TMEM233: variants seen among roughly 807,000 people sequenced by gnomAD.
The protein encoded by TMEM233 is dispanin subfamily B member 2.
A neutral mutation model predicts 11.2 loss-of-function variants in TMEM233; 6 were observed. The ratio of observed to expected loss-of-function variants is 0.54; its 90% CI spans 0.29 to 1.06. The LOEUF (loss-of-function observed/expected upper bound fraction) is 1.06. TMEM233 is among the 50% of genes least tolerant of loss of function. The pLI is 0.08. For synonymous variants in TMEM233, 59 were observed against 55.8 expected (o/e 1.06, Z -0.26); for missense variants, 127 against 144.7 (o/e 0.88, Z 0.63).
intron 2 of TMEM233, among the ~76,000 whole-genome samples, chr12:119,637,592 G>A (rs1190281500): frequency 6.6e-6 from 1 of 152,190 alleles, no homozygotes; most frequent in African/African-American, 2.4e-5. Context: ...TTTTTGGCTG[G>A]GGAAAGGCTT....
chr12:119,634,538 A>T (rs999449279), intron 2 of TMEM233, among the ~76,000 whole-genome samples: 6 of 152,228 alleles, frequency 3.9e-5, no homozygotes, highest in African/African-American at 1.4e-4. Flanking sequence ...TTTTGAGCCC[A>T]GGAGATTGAG....
chr12:119,596,781 C>T (rs1407814553), intron 1 of TMEM233, among the ~76,000 whole-genome samples: 1 of 152,188 alleles, frequency 6.6e-6, no homozygotes, highest in Non-Finnish European at 1.5e-5. Context: ...GGGTGAGCCA[C>T]TGCGCCCGGC....
intron 1 of TMEM233, among the ~76,000 whole-genome samples, chr12:119,613,213 CAAA>C (rs3077328): frequency 3.3e-4 from 40 of 122,292 alleles, no homozygotes; most frequent in Non-Finnish European, 4.8e-4. Context: ...AAGCCTGTTC[CAAA>C]AAAAAAAAAA....
downstream of TMEM233, among the ~76,000 whole-genome samples, chr12:119,646,498 G>A (rs76455845): frequency 0.019 from 2,889 of 152,270 alleles, 71 homozygotes; most frequent in African/African-American, 0.064. Context: ...TCAAGATGGC[G>A]GCAGGGTTGG....
chr12:119,627,040 G>A (rs1208643302), intron 1 of TMEM233, among the ~76,000 whole-genome samples: 2 of 152,234 alleles, frequency 1.3e-5, no homozygotes, highest in Non-Finnish European at 2.9e-5. Flanking sequence ...AGAGGAGCAA[G>A]TGGGATGGCT....
At chr12:119,618,205 G>C (rs1231558617) in intron 1 of TMEM233, among the ~76,000 whole-genome samples, 1 of 152,238 alleles carries the variant, frequency 6.6e-6, no homozygotes, top group Non-Finnish European at 1.5e-5. Context: ...CAATAACTGA[G>C]GTTTGGGAAC....
chr12:119,605,580 C>T (rs942046388), intron 1 of TMEM233, among the ~76,000 whole-genome samples: 2 of 151,930 alleles, frequency 1.3e-5, no homozygotes, highest in Admixed American at 6.6e-5. Flanking sequence ...AGGCACGCAC[C>T]ACCATGCCCA....
chr12:119,632,370 T>G (rs1954901650), intron 2 of TMEM233, among the ~76,000 whole-genome samples: 1 of 152,220 alleles, frequency 6.6e-6, no homozygotes, highest in African/African-American at 2.4e-5. Context: ...GGCTGTGTTC[T>G]TAGCCAAACT....
rs1407939225 is a variant in TMEM233, at chr12:119,595,611, T to C, written c.186+1577T>C. Among the ~76,000 whole-genome samples the C allele has an allele frequency of 6.6e-6, 1 of 152,218 alleles. No individual in the cohort carries two copies. Among genetic ancestry groups the C allele is most frequent in the African/African-American group, 2.4e-5 (1 of 41,464 alleles). ...CCTCAGTCTCTTTGTAAAACCAGAA[T>C]AATCATAGCCATGTTTCTTGGGGTT... On this transcript the variant is annotated intron_variant, in intron 1 of 2. Transcript: ENST00000426426. The surrounding 1 kb of genome is among the most constrained non-coding windows in gnomAD (Gnocchi z 4.3).
At chr12:119,653,209 G>A in the TMEM233 span, among the ~76,000 whole-genome samples, 3 of 151,786 alleles carry the variant, frequency 2.0e-5, no homozygotes, top group South Asian at 2.1e-4. Context: ...TGGCTAACAC[G>A]GAGAAACCCC....
Position 119,595,090 on chromosome 12 carries a change from G to T in TMEM233, c.186+1056G>T, listed in dbSNP as rs2711748. ...CGCCCTTCCGGAGCTCAGCTCCCTA[G>T]CCCTCTTCAACCCTGGTAGGAACAC... On this transcript the variant is annotated intron_variant, in intron 1 of 2. Coordinates refer to ENST00000426426, the MANE Select transcript of TMEM233 (RefSeq NM_001136534.3). The surrounding 1 kb of genome is among the most constrained non-coding windows in gnomAD (Gnocchi z 4.3). 0.4 allele frequency among the ~76,000 whole-genome samples: 60,619 copies of T among 152,044 alleles called. 12,623 individuals are homozygous for T. The highest frequency in any genetic ancestry group is 0.45 in the African/African-American group (18,517 of 41,474).
rs1203470970 is a variant in TMEM233, at chr12:119,593,814, G to A, written c.-35G>A. Reference sequence around the variant, plus strand: ...GAGCCCCAGACCACACAGACCGTGCGCTCCTCCGCCCTCCCGGCGCCGCCG... The same window carrying A: ...GAGCCCCAGACCACACAGACCGTGCACTCCTCCGCCCTCCCGGCGCCGCCG... On this transcript the variant is annotated 5_prime_UTR_variant, in exon 1 of 3. Coordinates refer to ENST00000426426, the MANE Select transcript of TMEM233 (RefSeq NM_001136534.3). This position sits in a 1 kb window ranked among gnomAD's most constrained non-coding sequence, Gnocchi z 4.1. The A allele has an allele frequency of 1.9e-6, 3 of 1,545,012 alleles. No homozygotes were observed. Among genetic ancestry groups the A allele is most frequent in the African/African-American group, 1.4e-5 (1 of 72,920 alleles).
chr12:119,631,846 T>C (rs1954893858), intron 2 of TMEM233, among the ~76,000 whole-genome samples: 1 of 152,362 alleles, frequency 6.6e-6, no homozygotes, highest in South Asian at 2.1e-4. Flanking sequence ...AAAGGTTAAC[T>C]GGATGACCCA....
downstream of TMEM233, among the ~76,000 whole-genome samples, chr12:119,645,320 C>CAAAAAAAAAAAAAAAA (rs3078450): frequency 8.0e-5 from 6 of 74,778 alleles, 1 homozygote; most frequent in Non-Finnish European, 1.3e-4. Flanking sequence ...CACCAATTAC[C>CAAAAAAAAAAAAAAAA]AAAAAAAAAA....
chr12:119,628,539 G>A (rs1272317382), intron 1 of TMEM233, among the ~76,000 whole-genome samples: 5 of 112,536 alleles, frequency 4.4e-5, no homozygotes, highest in Admixed American at 1.3e-4. Context: ...TTGCTCAGTC[G>A]CCCAGGCTGG....
chr12:119,612,988 T>C (rs1954436471), intron 1 of TMEM233, among the ~76,000 whole-genome samples: 1 of 152,124 alleles, frequency 6.6e-6, no homozygotes, highest in Non-Finnish European at 1.5e-5. Context: ...TACTTTAAGT[T>C]CTAGGGTACA....
At chr12:119,649,854 T>TAAAAA in the TMEM233 span, among the ~76,000 whole-genome samples, 3,301 of 91,124 alleles carry the variant, frequency 0.036, 122 homozygotes, top group Non-Finnish European at 0.043. Flanking sequence ...GTTTAACTAT[T>TAAAAA]AAAAAAAAAA....
At chr12:119,603,036 C>T (rs949903033) in intron 1 of TMEM233, among the ~76,000 whole-genome samples, 16 of 152,070 alleles carry the variant, frequency 1.1e-4, no homozygotes, top group African/African-American at 3.6e-4. Flanking sequence ...GGGTGGACCA[C>T]CTGAGTGCAG....
At chr12:119,628,302 G>A (rs1289886298) in intron 1 of TMEM233, among the ~76,000 whole-genome samples, 1 of 151,888 alleles carries the variant, frequency 6.6e-6, no homozygotes, top group Non-Finnish European at 1.5e-5. Context: ...TGGGATTACA[G>A]GTGCCTGCCA....
Sources: allele counts gnomAD v4.1 joint callset (sites outside exome capture counted in the v4.1 genomes callset), GRCh38; gene constraint gnomAD v4.1.1; non-coding constraint Gnocchi (gnomAD v3.1); transcripts MANE v1.5; gene names NCBI Gene and HGNC (gene_info 2026-07-23, HGNC 2026-07-21).